Variants in RYR2 observed in about 807,000 individuals in gnomAD.
RYR2 encodes ryanodine receptor 2.
RYR2 carries 227 observed loss-of-function variants against 601.1 expected under a neutral mutation model. The ratio of observed to expected loss-of-function variants is 0.38; its 90% CI spans 0.34 to 0.42. The LOEUF is 0.42. Ranked by LOEUF, RYR2 falls within the 10% of genes least tolerant of loss-of-function variation. The pLI is 1.00. For missense variants in RYR2, 4,646 were observed against 6,156.5 expected, an observed-to-expected ratio of 0.75 and a Z score of 8.21; for synonymous variants, 2,223 against 2,175.1, an observed-to-expected ratio of 1.02 and a Z score of -0.61.
intron 25 of RYR2, among the ~76,000 whole-genome samples, chr1:237,538,539 A>G (rs1334256002): frequency 2.0e-5 from 3 of 151,768 alleles, no homozygotes; most frequent in Admixed American, 1.3e-4. Flanking sequence ...TGGGAGGCCA[A>G]CGCAGGCGGA....
At chr1:237,331,811 G>C (rs888512391) in intron 3 of RYR2, among the ~76,000 whole-genome samples, 4 of 151,996 alleles carry the variant, frequency 2.6e-5, no homozygotes, top group South Asian at 2.1e-4. Context: ...ACCGCGCCCA[G>C]CCCTGAAATT....
chr1:237,198,273 A>G (rs903772988), intron 1 of RYR2, among the ~76,000 whole-genome samples: 1 of 152,168 alleles, frequency 6.6e-6, no homozygotes, highest in Non-Finnish European at 1.5e-5. Flanking sequence ...TATTTAGTTT[A>G]TGTGTTGAGT....
chr1:237,257,477 C>T (rs1323788660), intron 1 of RYR2, among the ~76,000 whole-genome samples: 1 of 152,048 alleles, frequency 6.6e-6, no homozygotes, highest in Non-Finnish European at 1.5e-5. Flanking sequence ...AATGATACAC[C>T]TAGGAAGGAG....
rs575842142 is a variant in RYR2 at position 237,296,053 on chromosome 1, G to A, written c.168+25437G>A. ...TTGTAGAAGGCCTCTTTGCTGGATA[G>A]CCAGAAGGAACCAGTCATTGGATGC... is the stretch of plus-strand genomic sequence containing the variant. On this transcript the variant is annotated intron_variant, in intron 2 of 104. Coordinates refer to ENST00000366574, the MANE Select transcript of RYR2 (RefSeq NM_001035.3). Among the ~76,000 whole-genome samples the A allele has an allele frequency of 5.8e-3, 879 of 152,342 alleles. 5 individuals are homozygous for A. The highest frequency in any genetic ancestry group is 8.4e-3 in the Non-Finnish European group (573 of 68,036).
chr1:237,803,458 G>A lies in RYR2; in HGVS notation c.14151+1542G>A, dbSNP rs566717661. ...TGGGACTACAGGCGCCCGCCACCAC[G>A]CCCGGCTAATTTTTTGTACTTTTAG... is the stretch of plus-strand genomic sequence containing the variant. On this transcript the variant is annotated intron_variant, in intron 98 of 104. Transcript: ENST00000366574. 3.3e-5 allele frequency among the ~76,000 whole-genome samples: 5 copies of A among 152,108 alleles called. No individual in the cohort carries two copies. The South Asian group carries it at 8.3e-4, about 25-fold the overall frequency.
At chr1:237,064,961 G>A (rs1663370616) in intron 1 of RYR2, among the ~76,000 whole-genome samples, 1 of 151,994 alleles carries the variant, frequency 6.6e-6, no homozygotes, top group Non-Finnish European at 1.5e-5. Context: ...ACCTGGAACT[G>A]AAGTCCCCCA....
chr1:237,252,149 G>A (rs1195857399), intron 1 of RYR2, among the ~76,000 whole-genome samples: 1 of 151,520 alleles, frequency 6.6e-6, no homozygotes, highest in Non-Finnish European at 1.5e-5. Flanking sequence ...ACTCTCTGTG[G>A]CTCCCAAGGT....
At chr1:237,675,799 T>A (rs1157655463) in intron 60 of RYR2, among the ~76,000 whole-genome samples, 1 of 152,134 alleles carries the variant, frequency 6.6e-6, no homozygotes, top group Non-Finnish European at 1.5e-5. Flanking sequence ...GTATCCTAAA[T>A]GTGATTAAAG....
chr1:237,069,879 A>G (rs1664090959), intron 1 of RYR2, among the ~76,000 whole-genome samples: 2 of 152,180 alleles, frequency 1.3e-5, no homozygotes, highest in African/African-American at 4.8e-5. Context: ...TGAAAACTTA[A>G]TGTTTGAAAT....
rs748063607 is a variant in RYR2 at position 237,627,874 on chromosome 1, C to T, written c.6234C>T (p.Pro2078=). Residue 2078 remains proline, a synonymous_variant, in exon 41 of 105, where the codon CCC becomes CCT. Transcript: ENST00000366574. Reference sequence around the variant, plus strand: ...CTCAGGAGTCTGTCATTGAAGACCCCGAGCTGGTGAGGGCCATGTTTGTGT... The same window carrying T: ...CTCAGGAGTCTGTCATTGAAGACCCTGAGCTGGTGAGGGCCATGTTTGTGT... ...RWAQESVIED[P]ELVRAMFVLL... is the part of the protein sequence containing the mutation. 15 of 1,613,518 alleles carry T rather than the reference C, an allele frequency of 9.3e-6. No homozygotes were observed. Among genetic ancestry groups the T allele is most frequent in the East Asian group, 6.7e-5 (3 of 44,846 alleles).
chr1:237,210,276 C>T (rs185470731), intron 1 of RYR2, among the ~76,000 whole-genome samples: 17 of 152,118 alleles, frequency 1.1e-4, no homozygotes, highest in South Asian at 4.2e-4. Flanking sequence ...ATTTCTCTTC[C>T]GATAATTTTG....
At chr1:237,151,758 A>ATGG (rs767652104) in intron 1 of RYR2, among the ~76,000 whole-genome samples, 1 of 152,214 alleles carries the variant, frequency 6.6e-6, no homozygotes, top group African/African-American at 2.4e-5. Context: ...CCTTTAGGAA[A>ATGG]TGGTGGTGGG....
chr1:237,786,746 G>A (rs1573946145), intron 91 of RYR2, among the ~76,000 whole-genome samples: 1 of 152,318 alleles, frequency 6.6e-6, no homozygotes, highest in East Asian at 1.9e-4. Flanking sequence ...AAAGTTGGGG[G>A]AAGAAAGAAA....
rs1685568090 is a variant in RYR2 at position 237,678,202 on chromosome 1, G to A, written c.8895+90G>A. 5.7e-6 allele frequency: 4 copies of A among 700,130 alleles called. No individual in the cohort carries two copies. In the Admixed American group the frequency reaches 8.7e-5, roughly 15 times the overall value. The allele number at this position is 700,130 out of a possible 1,614,324, so 43.4% of individuals were successfully genotyped here. A position where few individuals can be genotyped will look rare whatever the true frequency, so the allele number is the denominator to read the frequency against. ...TCGTTGCCCTTTTCAGAACATACTT[G>A]TCTACAAATGTGTATTTTACTGCAC... On this transcript the variant is annotated intron_variant, in intron 61 of 104. Coordinates refer to ENST00000366574, the MANE Select transcript of RYR2 (RefSeq NM_001035.3).
intron 27 of RYR2, among the ~76,000 whole-genome samples, chr1:237,559,865 G>A (rs1023985921): frequency 4.6e-5 from 7 of 152,170 alleles, no homozygotes; most frequent in African/African-American, 1.4e-4. Context: ...TAGTTTAGTA[G>A]AGACTGTGTT....
chr1:237,240,373 C>A (rs1686017070), intron 1 of RYR2, among the ~76,000 whole-genome samples: 1 of 151,958 alleles, frequency 6.6e-6, no homozygotes, highest in African/African-American at 2.4e-5. Context: ...GTTTATATAG[C>A]CCCCAAACAC....
At chr1:237,082,962 C>G (rs78117705) in intron 1 of RYR2, among the ~76,000 whole-genome samples, 1 of 151,894 alleles carries the variant, frequency 6.6e-6, no homozygotes, top group Admixed American at 6.6e-5. Flanking sequence ...ACAATTTCCC[C>G]GACGATTTAC....
Position 237,590,540 on chromosome 1 carries a change from C to T in RYR2, c.3808-100C>T, listed in dbSNP as rs1675037192. Reference sequence around the variant, plus strand: ...ACAAAATGATGCCATGTGTGGACCGCATTTGGGATTCTGAAAACGTGATGT... The same window carrying T: ...ACAAAATGATGCCATGTGTGGACCGTATTTGGGATTCTGAAAACGTGATGT... On this transcript the variant is annotated intron_variant, in intron 30 of 104. Transcript: ENST00000366574. 5 of 889,476 alleles carry T rather than the reference C, an allele frequency of 5.6e-6. No homozygotes were observed. The African/African-American group carries it at 6.7e-5, about 12-fold the overall frequency. The allele number at this position is 889,476 out of a possible 1,614,324, so 55.1% of individuals were successfully genotyped here.
intron 1 of RYR2, among the ~76,000 whole-genome samples, chr1:237,173,319 C>T (rs1182102282): frequency 2.0e-5 from 3 of 152,198 alleles, no homozygotes; most frequent in East Asian, 1.9e-4. Context: ...AGTCCTAGCA[C>T]TGTTCCTCAT....
Sources: gnomAD v4.1 joint callset for allele counts (sites outside exome capture counted in the v4.1 genomes callset) on GRCh38, gnomAD v4.1.1 for gene constraint, MANE v1.5 for transcripts, NCBI Gene and HGNC (gene_info 2026-07-23, HGNC 2026-07-21) for gene names.